Variants in ATP2B2 observed in about 807,000 individuals in gnomAD.
ATP2B2 encodes ATPase plasma membrane Ca2+ transporting 2, also known as plasma membrane calcium-transporting ATPase 2.
In ATP2B2, 15 loss-of-function variants were observed where a neutral mutation model predicts 120.0. The ratio of observed to expected loss-of-function variants is 0.12; its 90% CI spans 0.08 to 0.19. The LOEUF (loss-of-function observed/expected upper bound fraction) is 0.19. Among genes scored for constraint, ATP2B2 ranks in the 10% least tolerant of loss-of-function variants. The probability of loss-of-function intolerance (pLI) is 1.00; values close to 1 mark genes in which losing one functional copy is unlikely to be tolerated. For missense variants in ATP2B2, 1,045 were observed against 1,719.8 expected (o/e 0.61, Z 6.94); for synonymous variants, 694 against 700.3 (o/e 0.99, Z 0.14).
chr3:10,575,949 A>G (rs2068235502), intron 2 of ATP2B2, among the ~76,000 whole-genome samples: 1 of 152,240 alleles, frequency 6.6e-6, no homozygotes, highest in Non-Finnish European at 1.5e-5. Flanking sequence ...AAACCTTAAA[A>G]TTGTCCCTCA....
At position 10,363,647 on chromosome 3, in the gene ATP2B2, T is replaced by G. The variant is rs564975007; in HGVS notation, c.1660-3524A>C. Reference sequence around the variant, plus strand: ...GAAGAGCTACACGTTACGGATAACATTTGCAAAAATGGGATTAAGAAAAAC... The same window carrying G: ...GAAGAGCTACACGTTACGGATAACAGTTGCAAAAATGGGATTAAGAAAAAC... On this transcript the variant is annotated intron_variant, in intron 12 of 22. Coordinates refer to ENST00000360273, the MANE Select transcript of ATP2B2 (RefSeq NM_001001331.4). 2.6e-5 allele frequency among the ~76,000 whole-genome samples: 4 copies of G among 152,126 alleles called. No individual in the cohort carries two copies. In the East Asian group the frequency reaches 7.7e-4, roughly 29 times the overall value.
intron 11 of ATP2B2, among the ~76,000 whole-genome samples, chr3:10,372,422 A>G (rs1444370488): frequency 6.6e-6 from 1 of 152,198 alleles, no homozygotes; most frequent in Admixed American, 6.5e-5. Context: ...ATAAGTAACT[A>G]TTCCTTATTT....
chr3:10,486,812 T>C (rs1023782677), intron 1 of ATP2B2, among the ~76,000 whole-genome samples: 2 of 152,126 alleles, frequency 1.3e-5, no homozygotes, highest in Non-Finnish European at 2.9e-5. Context: ...CTCCACCTCC[T>C]GGGTTCAAGC....
intron 2 of ATP2B2, among the ~76,000 whole-genome samples, chr3:10,577,428 T>A (rs1180870788): frequency 2.0e-5 from 3 of 152,182 alleles, no homozygotes; most frequent in African/African-American, 7.2e-5. Flanking sequence ...AGAGCTGGTA[T>A]AGGATCTCAG....
chr3:10,353,514 AG>A (rs2060634269), intron 14 of ATP2B2, among the ~76,000 whole-genome samples: 1 of 152,120 alleles, frequency 6.6e-6, no homozygotes. Flanking sequence ...GGTGATCTGG[AG>A]GGGCTGAGGG....
rs547533424 is a variant in ATP2B2 at position 10,325,870 on chromosome 3, C to T, written c.*2944G>A. Reference sequence around the variant, plus strand: ...CCAAATCTGCCACTTACTCCTGGAGCCCTTGTCTAGAGGACAGAAAAGAAG... The same window carrying T: ...CCAAATCTGCCACTTACTCCTGGAGTCCTTGTCTAGAGGACAGAAAAGAAG... On this transcript the variant is annotated 3_prime_UTR_variant, in exon 23 of 23. Transcript: ENST00000360273. The T allele has an allele frequency of 1.3e-5, 2 of 152,284 alleles. No individual in the cohort carries two copies. The highest frequency in any genetic ancestry group is 1.9e-4 in the East Asian group (1 of 5,188). 9.4% of individuals were successfully genotyped at this position (152,284 alleles called of 1,614,324 possible). A position where few individuals can be genotyped will look rare whatever the true frequency, so the allele number is the denominator to read the frequency against.
chr3:10,510,207 C>T (rs1363455650), upstream of ATP2B2, among the ~76,000 whole-genome samples: 1 of 152,220 alleles, frequency 6.6e-6, no homozygotes, highest in East Asian at 1.9e-4. Flanking sequence ...AGGTTGTAGG[C>T]CTGGCTTCTG....
At chr3:10,473,502 T>C (rs574354757) in intron 1 of ATP2B2, among the ~76,000 whole-genome samples, 1 of 152,100 alleles carries the variant, frequency 6.6e-6, no homozygotes, top group Non-Finnish European at 1.5e-5. Context: ...TGCGGCGGTG[T>C]ACACCTGTAA....
chr3:10,421,951 CCT>C (rs1199054178), intron 2 of ATP2B2, among the ~76,000 whole-genome samples: 1 of 152,234 alleles, frequency 6.6e-6, no homozygotes, highest in Non-Finnish European at 1.5e-5. Context: ...CTCATCCTCC[CCT>C]GACAGCATTT....
chr3:10,501,024 C>T (rs933528340), intron 1 of ATP2B2, among the ~76,000 whole-genome samples: 2 of 152,180 alleles, frequency 1.3e-5, no homozygotes, highest in African/African-American at 2.4e-5. Flanking sequence ...CAGTGATGAG[C>T]CGGCCTGGGA....
rs1076080 is a variant in ATP2B2, at chr3:10,358,582, A to G, written c.2136+109T>C. 0.17 allele frequency: 169,313 copies of G among 1,024,034 alleles called. 15,850 individuals are homozygous for G. Among genetic ancestry groups the G allele is most frequent in the East Asian group, 0.38 (14,821 of 38,758 alleles). 63.4% of individuals were successfully genotyped at this position (1,024,034 alleles called of 1,614,324 possible). ...AAGGAAGGAAATCCCCATGGGCATT[A>G]TGTGGAAACTGAGACTCAAAGAGGT... On this transcript the variant is annotated intron_variant, in intron 14 of 22. Coordinates refer to ENST00000360273, the MANE Select transcript of ATP2B2 (RefSeq NM_001001331.4).
intron 1 of ATP2B2, among the ~76,000 whole-genome samples, chr3:10,497,417 G>A (rs2066196546): frequency 6.6e-6 from 1 of 152,220 alleles, no homozygotes; most frequent in Non-Finnish European, 1.5e-5. Context: ...TAAAGCAAGT[G>A]CAGCCTCAAC....
At chr3:10,484,396 G>A (rs1409809003) in intron 1 of ATP2B2, among the ~76,000 whole-genome samples, 2 of 152,054 alleles carry the variant, frequency 1.3e-5, no homozygotes, top group Admixed American at 6.5e-5. Flanking sequence ...CAGGCTGAGG[G>A]GTCTGCATGC....
At chr3:10,646,192 G>A (rs1027429955) in intron 1 of ATP2B2, among the ~76,000 whole-genome samples, 2 of 152,180 alleles carry the variant, frequency 1.3e-5, no homozygotes, top group Admixed American at 6.5e-5. Context: ...TCCCTAAATC[G>A]CTAAAGACTC....
chr3:10,652,633 G>T (rs2070496428), intron 1 of ATP2B2, among the ~76,000 whole-genome samples: 1 of 151,454 alleles, frequency 6.6e-6, no homozygotes, highest in African/African-American at 2.4e-5. Context: ...TTGAAAGCAG[G>T]GACACAAACA....
At chr3:10,608,391 T>A (rs2069140838) in intron 2 of ATP2B2, among the ~76,000 whole-genome samples, 1 of 152,200 alleles carries the variant, frequency 6.6e-6, no homozygotes, top group Non-Finnish European at 1.5e-5. Context: ...GCCACTGCAC[T>A]CCAGCCTGGG....
intron 2 of ATP2B2, among the ~76,000 whole-genome samples, chr3:10,448,356 A>C (rs1215939782): frequency 6.6e-6 from 1 of 152,186 alleles, no homozygotes; most frequent in African/African-American, 2.4e-5. Context: ...GCAGCTTTGC[A>C]CAAATGTTCA....
chr3:10,504,679 GC>G (rs2066541386), intron 1 of ATP2B2, among the ~76,000 whole-genome samples: 1 of 152,124 alleles, frequency 6.6e-6, no homozygotes, highest in South Asian at 2.1e-4. Context: ...GAGTCCTGAG[GC>G]CCCCTGCTGC....
At chr3:10,539,403 C>G (rs1196283093) in intron 2 of ATP2B2, among the ~76,000 whole-genome samples, 1 of 152,132 alleles carries the variant, frequency 6.6e-6, no homozygotes, top group African/African-American at 2.4e-5. Context: ...AAAAAAGAGC[C>G]CACATTTCTA....
Sources: allele counts gnomAD v4.1 joint callset (sites outside exome capture counted in the v4.1 genomes callset), GRCh38; gene constraint gnomAD v4.1.1; transcripts MANE v1.5; gene names NCBI Gene and HGNC (gene_info 2026-07-23, HGNC 2026-07-21).